SLIT1: variants seen among roughly 807,000 people sequenced by gnomAD.
The protein encoded by SLIT1 is slit homolog 1 protein.
Under a neutral mutation model 186.1 loss-of-function variants are expected in SLIT1, and 66 were observed. That is an observed-to-expected ratio of 0.35 (90% CI 0.29 to 0.44). SLIT1 has a LOEUF of 0.44. Among genes scored for constraint, SLIT1 ranks in the 20% least tolerant of loss-of-function variants. SLIT1 has a pLI of 1.00. For synonymous variants in SLIT1, 761 were observed against 833.8 expected (o/e 0.91, Z 1.50); for missense variants, 1,638 against 2,037.4 (o/e 0.80, Z 3.77).
intron 14 of SLIT1, 91 bp downstream of exon 14, chr10:97,048,864 T>TGGGCAGGG: frequency 7.5e-7 from 1 of 1,330,328 alleles, no homozygotes; most frequent in Non-Finnish European, 1.1e-6. Flanking sequence ...GGTGGGCAGG[T>TGGGCAGGG]GGGCAGGTAT....
At chr10:97,002,521 C>G in intron 35 of SLIT1, 152 bp from the exon 36 acceptor site, 4 of 754,692 alleles carry the variant, frequency 5.3e-6, no homozygotes, top group Non-Finnish European at 8.3e-6. Flanking sequence ...GAGTTGCATG[C>G]GACTATGTGT....
Position 97,181,463 on chromosome 10 carries a change from T to A in SLIT1, c.197+4015A>T, listed in dbSNP as rs1044236484. Among the ~76,000 whole-genome samples the A allele has an allele frequency of 7.5e-4, 114 of 152,156 alleles. 1 individual carries two copies. Among genetic ancestry groups the A allele is most frequent in the African/African-American group, 2.7e-3 (110 of 41,442 alleles). ...AAATGGGACCTCTAGCTCAGGGAGT[T>A]GAGTCTAGAGAGGGCCTCCCAGGCC... On this transcript the variant is annotated intron_variant, in intron 1 of 36. Transcript: ENST00000266058.
At chr10:97,128,607 A>G (rs1212713829) in intron 4 of SLIT1, among the ~76,000 whole-genome samples, 1 of 152,130 alleles carries the variant, frequency 6.6e-6, no homozygotes, top group African/African-American at 2.4e-5. Context: ...GATCCACAGA[A>G]AGTATTGCAG....
chr10:97,110,304 G>T lies in SLIT1; in HGVS notation c.414-44218C>A, dbSNP rs1380545395. On this transcript the variant is annotated intron_variant, in intron 4 of 36. Coordinates refer to ENST00000266058, the MANE Select transcript of SLIT1 (RefSeq NM_003061.3). ...AAGTAGAGTTGATGCACGTGCCCATGACCTAGCAATTCCACTCCCAGGTAT... is the reference window on the plus strand; with the variant it reads ...AAGTAGAGTTGATGCACGTGCCCATTACCTAGCAATTCCACTCCCAGGTAT... Among the ~76,000 whole-genome samples the T allele has an allele frequency of 2.6e-5, 4 of 152,280 alleles. No individual in the cohort carries two copies. In the East Asian group the frequency reaches 7.7e-4, roughly 29 times the overall value.
At position 97,064,206 on chromosome 10, in the gene SLIT1, G is replaced by C; in HGVS notation, c.591C>G (p.Pro197=). The change falls in exon 7 of 37, where the codon CCC becomes CCG. Residue 197 remains proline (P), a synonymous_variant. Coordinates refer to ENST00000266058, the MANE Select transcript of SLIT1 (RefSeq NM_003061.3). ...TLNNNNITTI[P]VSSFNHMPKL... ...TGGGCATATGGTTGAAGCTGGACAC[G>C]GGGATGGTGGTGATATTGTTGTTGT... 1 of 1,613,856 alleles carries C rather than the reference G, an allele frequency of 6.2e-7. No homozygotes were observed. The highest frequency in any genetic ancestry group is 8.5e-7 in the Non-Finnish European group (1 of 1,179,934).
intron 13 of SLIT1, among the ~76,000 whole-genome samples, chr10:97,054,066 T>C (rs541125958): frequency 6.6e-6 from 1 of 152,126 alleles, no homozygotes; most frequent in East Asian, 2.0e-4. Flanking sequence ...TTCTGTGGGC[T>C]GGACGAGTAT....
chr10:97,119,339 G>A (rs370409233), intron 4 of SLIT1, among the ~76,000 whole-genome samples: 54 of 152,284 alleles, frequency 3.5e-4, no homozygotes, highest in African/African-American at 1.1e-3. Context: ...TAATGGAAAG[G>A]GGCGGGGGAA....
Position 97,004,861 on chromosome 10 carries a change from A to G in SLIT1, c.3580-38T>C, listed in dbSNP as rs1429779708. 6.2e-7 allele frequency: 1 copy of G among 1,613,392 alleles called. No homozygotes were observed. On this transcript the variant is annotated intron_variant, in intron 32 of 36. Transcript: ENST00000266058. This position sits in a 1 kb window ranked among gnomAD's most constrained non-coding sequence, Gnocchi z 5.1. ...GGCACTTTCTCTCCCACCCCACCCCATGCAGCAGCGGCACAGGCTAGCAGA... is the reference window on the plus strand; with the variant it reads ...GGCACTTTCTCTCCCACCCCACCCCGTGCAGCAGCGGCACAGGCTAGCAGA...
At chr10:97,166,571 GAA>G (rs57995442) in intron 1 of SLIT1, among the ~76,000 whole-genome samples, 938 of 59,444 alleles carry the variant, frequency 0.016, 24 homozygotes, top group South Asian at 0.04. Flanking sequence ...GAGAGAGAGA[GAA>G]AGAAAGAAAG....
chr10:97,006,192 T>C lies in SLIT1; in HGVS notation c.3579+291A>G, dbSNP rs117272445. On this transcript the variant is annotated intron_variant, in intron 32 of 36. Transcript: ENST00000266058. The surrounding 1 kb of genome is among the most constrained non-coding windows in gnomAD (Gnocchi z 4.0). ...AGCACTGGAGGCAGACACTGAGGAG[T>C]AGCTGGGACAAGAAATGGTGGGAAG... Among the ~76,000 whole-genome samples the C allele has an allele frequency of 9.3e-3, 1,410 of 151,756 alleles. 68 individuals carry two copies. Among genetic ancestry groups the C allele is most frequent in the Admixed American group, 0.077 (1,181 of 15,244 alleles).
chr10:97,032,858 T>C (rs1046991728), intron 23 of SLIT1, among the ~76,000 whole-genome samples: 18 of 152,042 alleles, frequency 1.2e-4, no homozygotes, highest in African/African-American at 4.3e-4. Flanking sequence ...CACCACACCA[T>C]GGGTGAAGCT....
intron 4 of SLIT1, among the ~76,000 whole-genome samples, chr10:97,069,214 T>G (rs1302733404): frequency 6.6e-6 from 1 of 152,164 alleles, no homozygotes. Flanking sequence ...GAGCTCATGG[T>G]CATGCGAGTT....
At chr10:97,139,067 G>A (rs1451220660) in intron 4 of SLIT1, among the ~76,000 whole-genome samples, 2 of 152,210 alleles carry the variant, frequency 1.3e-5, no homozygotes, top group Admixed American at 6.5e-5. Flanking sequence ...TTGGTCGGGT[G>A]AATGAATGCA....
rs1031369154 is a variant in SLIT1, at chr10:96,998,617, T to A, written c.*2495A>T. 6.6e-6 allele frequency: 1 copy of A among 152,278 alleles called. No individual in the cohort carries two copies. 9.4% of individuals were successfully genotyped at this position (152,278 alleles called of 1,614,324 possible). On this transcript the variant is annotated 3_prime_UTR_variant, in exon 37 of 37. Coordinates refer to ENST00000266058, the MANE Select transcript of SLIT1 (RefSeq NM_003061.3). Reference sequence around the variant, plus strand: ...GTGAATAGGCAACGTGAGTGCTGACTCAGGTCCTTAGCAACTCGCTGGCTG... The same window carrying A: ...GTGAATAGGCAACGTGAGTGCTGACACAGGTCCTTAGCAACTCGCTGGCTG...
intron 29 of SLIT1, 88 bp downstream of exon 29, chr10:97,013,931 A>G (rs1017661820): frequency 6.4e-7 from 1 of 1,567,068 alleles, no homozygotes; most frequent in South Asian, 1.2e-5. Flanking sequence ...ACACTGAGGC[A>G]GGGATCCCCT....
chr10:97,124,297 T>C lies in SLIT1; in HGVS notation c.413+33521A>G, dbSNP rs58849221. Among the ~76,000 whole-genome samples, 8 of 152,266 alleles carry C rather than the reference T, an allele frequency of 5.3e-5. No homozygotes were observed. The East Asian group carries it at 9.6e-4, about 18-fold the overall frequency. ...CTGGCAGGGCAGGGGAGAGGAAGACTATGAAGCCTTTGGACATTCAAAAGT... is the reference window on the plus strand; with the variant it reads ...CTGGCAGGGCAGGGGAGAGGAAGACCATGAAGCCTTTGGACATTCAAAAGT... On this transcript the variant is annotated intron_variant, in intron 4 of 36. Transcript: ENST00000266058.
At chr10:97,018,411 G>T (rs1848472994) in intron 28 of SLIT1, among the ~76,000 whole-genome samples, 175 bp downstream of exon 28, 1 of 152,220 alleles carries the variant, frequency 6.6e-6, no homozygotes. Flanking sequence ...GGCCTGGTGG[G>T]CTTGGAGAGC....
chr10:97,024,582 T>A (rs1181352183), intron 25 of SLIT1, among the ~76,000 whole-genome samples: 1 of 152,240 alleles, frequency 6.6e-6, no homozygotes, highest in Non-Finnish European at 1.5e-5. Flanking sequence ...AGTTCCAGTG[T>A]GTTTAGAAAA....
intron 4 of SLIT1, among the ~76,000 whole-genome samples, chr10:97,072,185 A>G (rs935410330): frequency 2.0e-5 from 3 of 152,148 alleles, no homozygotes; most frequent in Non-Finnish European, 2.9e-5. Context: ...TAGAGACAGC[A>G]TCTCACTCTG....
Sources: gnomAD v4.1 joint callset for allele counts (sites outside exome capture counted in the v4.1 genomes callset) on GRCh38, gnomAD v4.1.1 for gene constraint, Gnocchi (gnomAD v3.1) non-coding constraint, MANE v1.5 for transcripts, NCBI Gene and HGNC (gene_info 2026-07-23, HGNC 2026-07-21) for gene names.